Variants in COL11A1 observed in about 807,000 individuals in gnomAD.
The protein encoded by COL11A1 is collagen type XI alpha 1 chain.
A neutral mutation model predicts 265.2 loss-of-function variants in COL11A1; 74 were observed. The observed-to-expected ratio is 0.28, with a 90% CI of 0.23 to 0.34. COL11A1 has a LOEUF of 0.34. Ranked by LOEUF, COL11A1 falls within the 10% of genes least tolerant of loss-of-function variation. The pLI is 1.00. For missense variants in COL11A1, 2,165 were observed against 2,263.6 expected (o/e 0.96, Z 0.88); for synonymous variants, 816 against 727.6 (o/e 1.12, Z -1.96).
At chr1:102,967,239 T>TA (rs1661500903) in intron 37 of COL11A1, among the ~76,000 whole-genome samples, 1 of 102,180 alleles carries the variant, frequency 9.8e-6, no homozygotes, top group Non-Finnish European at 2.0e-5. Flanking sequence ...TTTTTTTTTT[T>TA]TTTTTTTTTT....
At chr1:103,037,325 A>G (rs1022792953) in intron 4 of COL11A1, among the ~76,000 whole-genome samples, 4 of 151,464 alleles carry the variant, frequency 2.6e-5, no homozygotes, top group African/African-American at 9.7e-5. Flanking sequence ...GGTAAATAAT[A>G]TTGGTCTAAT....
chr1:102,998,556 T>A (rs890348381), intron 24 of COL11A1, among the ~76,000 whole-genome samples, 193 bp from the exon 25 acceptor site: 1 of 151,916 alleles, frequency 6.6e-6, no homozygotes, highest in African/African-American at 2.4e-5. Context: ...AAATTTAACA[T>A]GTCAAAGGTA....
chr1:103,026,124 G>A (rs928348339), intron 6 of COL11A1, 92 bp downstream of exon 6: 1 of 1,204,892 alleles, frequency 8.3e-7, no homozygotes, highest in East Asian at 2.3e-5. Context: ...TGAATGAAAG[G>A]TTTATGGTAA....
At chr1:102,895,238 A>C (rs911589307) in intron 57 of COL11A1, among the ~76,000 whole-genome samples, 1 of 152,208 alleles carries the variant, frequency 6.6e-6, no homozygotes, top group Non-Finnish European at 1.5e-5. Context: ...AGAATTTCAT[A>C]TCCAGAAACT....
chr1:103,091,791 G>GA (rs1293798074), intron 1 of COL11A1, among the ~76,000 whole-genome samples: 1 of 151,872 alleles, frequency 6.6e-6, no homozygotes, highest in Non-Finnish European at 1.5e-5. Context: ...TAGGCACCTT[G>GA]AAAAAAACTG....
rs1621055 is a variant in COL11A1, at chr1:102,898,564, T to G, written c.4248+102A>C. ...AGAATTCCCACAAAATTATCCACGT[T>G]ATAACTTATGAAATAATGCTAACAT... On this transcript the variant is annotated intron_variant, in intron 56 of 66. Coordinates refer to ENST00000370096, the MANE Select transcript of COL11A1 (RefSeq NM_001854.4). 60,378 of 849,290 alleles carry G rather than the reference T, an allele frequency of 0.071. 2,599 individuals carry two copies. The highest frequency in any genetic ancestry group is 0.13 in the African/African-American group (7,793 of 59,246). 52.6% of individuals were successfully genotyped at this position (849,290 alleles called of 1,614,324 possible).
intron 36 of COL11A1, among the ~76,000 whole-genome samples, chr1:102,973,385 GA>G (rs1341975375): frequency 6.6e-6 from 1 of 151,944 alleles, no homozygotes; most frequent in Admixed American, 6.6e-5. Flanking sequence ...GAAAAAGTCT[GA>G]TAAAAAAATG....
chr1:102,970,170 T>G, intron 37 of COL11A1, 49 bp downstream of exon 37: 83 of 1,452,018 alleles, frequency 5.7e-5, no homozygotes, highest in Non-Finnish European at 7.7e-5. Flanking sequence ...TATGAACTGA[T>G]GAGGTGCTAG....
intron 46 of COL11A1, among the ~76,000 whole-genome samples, chr1:102,933,957 G>C (rs1657855459): frequency 6.6e-6 from 1 of 151,396 alleles, no homozygotes; most frequent in African/African-American, 2.5e-5. Context: ...CTCGCACACG[G>C]TGCGCGCACC....
chr1:102,939,027 A>G lies in COL11A1; in HGVS notation c.3438+8T>C. On this transcript the variant is annotated splice_region_variant and intron_variant, in intron 44 of 66. Coordinates refer to ENST00000370096, the MANE Select transcript of COL11A1 (RefSeq NM_001854.4). ...TAATGTTCTCTCAGTAAGAAGTAGG[A>G]AACTCACATTTTCTCCCTTGTCACC... The G allele has an allele frequency of 6.2e-7, 1 of 1,612,706 alleles. No individual in the cohort carries two copies. The highest frequency in any genetic ancestry group is 1.1e-5 in the South Asian group (1 of 91,062).
chr1:102,975,316 T>C (rs192283842), intron 35 of COL11A1, among the ~76,000 whole-genome samples: 2 of 151,814 alleles, frequency 1.3e-5, no homozygotes, highest in East Asian at 3.9e-4. Context: ...TCTATCCCTG[T>C]TCTGTATCTA....
intron 1 of COL11A1, among the ~76,000 whole-genome samples, chr1:103,086,879 T>G (rs1427658937): frequency 6.6e-6 from 1 of 152,178 alleles, no homozygotes; most frequent in East Asian, 1.9e-4. Flanking sequence ...GTCCTTAAGT[T>G]TATTTTATTT....
At chr1:103,017,924 CATT>C (rs761838630) in intron 10 of COL11A1, 42 bp from the exon 11 acceptor site, 8 of 1,431,068 alleles carry the variant, frequency 5.6e-6, no homozygotes, top group Non-Finnish European at 7.9e-6. Context: ...TTCCTAATCT[CATT>C]AATATTTAGA....
chr1:102,991,385 A>G (rs1011751759), intron 28 of COL11A1, among the ~76,000 whole-genome samples: 2 of 152,150 alleles, frequency 1.3e-5, no homozygotes, highest in African/African-American at 4.8e-5. Flanking sequence ...TTTTACTTTA[A>G]AATATCCTAA....
intron 29 of COL11A1, 54 bp downstream of exon 29, chr1:102,989,464 A>AT (rs1020094908): frequency 7.4e-6 from 8 of 1,073,908 alleles, no homozygotes; most frequent in South Asian, 5.8e-5. Flanking sequence ...CAAAGGAAAA[A>AT]ATATATATAT....
intron 4 of COL11A1, among the ~76,000 whole-genome samples, chr1:103,053,225 T>A (rs763093173): frequency 3.1e-4 from 47 of 152,166 alleles, no homozygotes; most frequent in Non-Finnish European, 6.5e-4. Flanking sequence ...TCTATAGAGC[T>A]CAGAAATCTA....
chr1:102,907,954 A>C (rs1051013132), intron 54 of COL11A1, among the ~76,000 whole-genome samples: 4 of 152,096 alleles, frequency 2.6e-5, no homozygotes, highest in African/African-American at 4.8e-5. Context: ...GAAAAAGTTC[A>C]TGTTAGATTC....
rs752364850 is a variant in COL11A1 at position 103,026,297 on chromosome 1, C to G, written c.816G>C (p.Glu272Asp). 5 of 1,613,612 alleles carry G rather than the reference C, an allele frequency of 3.1e-6. No individual in the cohort carries two copies. Among genetic ancestry groups the G allele is most frequent in the Non-Finnish European group, 4.2e-6 (5 of 1,179,574 alleles). Residue 272 changes from glutamate (E) to aspartate (D), a missense_variant, in exon 6 of 67, where the codon GAG becomes GAC. Coordinates refer to ENST00000370096, the MANE Select transcript of COL11A1 (RefSeq NM_001854.4). Reference sequence around the variant, plus strand: ...CCTCTTTATACTCTGCTTCCCCATACTCATAGTCATATTCGATTATATCCT... The same window carrying G: ...CCTCTTTATACTCTGCTTCCCCATAGTCATAGTCATATTCGATTATATCCT... ...APEDIIEYDY[E>D]YGEAEYKEAE...
intron 49 of COL11A1, among the ~76,000 whole-genome samples, chr1:102,919,154 G>A (rs953463446): frequency 2.3e-5 from 2 of 85,402 alleles, no homozygotes; most frequent in Non-Finnish European, 6.2e-5. Context: ...TGTGTTTTCA[G>A]TTTCAACACC....
Sources: allele counts gnomAD v4.1 joint callset (sites outside exome capture counted in the v4.1 genomes callset), GRCh38; gene constraint gnomAD v4.1.1; transcripts MANE v1.5; gene names NCBI Gene and HGNC (gene_info 2026-07-23, HGNC 2026-07-21).